Variants in DIP2A observed in about 807,000 individuals in gnomAD.
DIP2A encodes the protein disco-interacting protein 2 homolog A.
In DIP2A, 85 loss-of-function variants were observed where a neutral mutation model predicts 177.4. The observed-to-expected ratio is 0.48, with a 90% CI of 0.40 to 0.57. The LOEUF (loss-of-function observed/expected upper bound fraction) is 0.57. Among genes scored for constraint, DIP2A ranks in the 20% least tolerant of loss-of-function variants. The pLI, the probability that DIP2A is intolerant of heterozygous loss-of-function variation, is 0.00. For missense variants in DIP2A, 1,791 were observed against 2,100.2 expected, an observed-to-expected ratio of 0.85 and a Z score of 2.88; for synonymous variants, 886 against 881.8, an observed-to-expected ratio of 1.00 and a Z score of -0.08.
Position 46,509,130 on chromosome 21 carries a change from TG to T in DIP2A, c.785-123del, listed in dbSNP as rs2058179493. 5 of 1,029,366 alleles carry T rather than the reference TG, an allele frequency of 4.9e-6. No individual in the cohort carries two copies. In the South Asian group the frequency reaches 1.5e-4, roughly 32 times the overall value. 63.8% of individuals were successfully genotyped at this position (1,029,366 alleles called of 1,614,324 possible). Reference sequence around the variant, plus strand: ...AATTGATTCCAAAATGACTGTCCAGTGGGGCCCACACTTGGATGGATTTGTA... The same window carrying T: ...AATTGATTCCAAAATGACTGTCCAGTGGGCCCACACTTGGATGGATTTGTA... On this transcript the variant is annotated intron_variant, in intron 6 of 37. Coordinates refer to ENST00000417564, the MANE Select transcript of DIP2A (RefSeq NM_015151.4).
chr21:46,567,358 T>C lies in DIP2A; in HGVS notation c.4464-12T>C, dbSNP rs766977004. 6.2e-7 allele frequency: 1 copy of C among 1,608,916 alleles called. No individual in the cohort carries two copies. The highest frequency in any genetic ancestry group is 8.5e-7 in the Non-Finnish European group (1 of 1,176,710). ...CTGTATCCATGTGACCCAGTCTGTC[T>C]TCTCTCTGCAGTGCCGTATTCACCT... On this transcript the variant is annotated splice_polypyrimidine_tract_variant and intron_variant, in intron 37 of 37. Coordinates refer to ENST00000417564, the MANE Select transcript of DIP2A (RefSeq NM_015151.4).
rs377702083 is a variant in DIP2A at position 46,502,694 on chromosome 21, C to T, written c.656-1667C>T. Among the ~76,000 whole-genome samples the T allele has an allele frequency of 4.6e-5, 7 of 152,148 alleles. No homozygotes were observed. In the East Asian group the frequency reaches 1.4e-3, roughly 29 times the overall value. On this transcript the variant is annotated intron_variant, in intron 5 of 37. Coordinates refer to ENST00000417564, the MANE Select transcript of DIP2A (RefSeq NM_015151.4). ...AACTCCTGACCTCAGCTGATCTGCC[C>T]GCCTTGACCTTCCAAATTGCTGGGA... is the stretch of plus-strand genomic sequence containing the variant.
intron 20 of DIP2A, 169 bp downstream of exon 20, chr21:46,546,130 A>G: frequency 6.8e-7 from 1 of 1,462,664 alleles, no homozygotes; most frequent in Non-Finnish European, 9.1e-7. Context: ...GTGCAGGGCC[A>G]TCCACACCTC....
intron 13 of DIP2A, 46 bp downstream of exon 13, chr21:46,534,733 A>G: frequency 2.0e-6 from 3 of 1,517,424 alleles, no homozygotes; most frequent in Non-Finnish European, 2.7e-6. Flanking sequence ...AGCCTCACAC[A>G]GATACCTGAC....
Position 46,557,833 on chromosome 21 carries a change from ACTCCCAAGGCCC to A in DIP2A, c.3798+86_3798+97del. On this transcript the variant is annotated intron_variant, in intron 31 of 37. Coordinates refer to ENST00000417564, the MANE Select transcript of DIP2A (RefSeq NM_015151.4). The surrounding 1 kb of genome is among the most constrained non-coding windows in gnomAD (Gnocchi z 6.0). ...TTTAAAAACAACAAAACAAAACAAG[ACTCCCAAGGCCC>A]CTCCCTGCAGTTGGAGGAAGTAGAG... is the stretch of plus-strand genomic sequence containing the variant. 1 of 1,488,686 alleles carries A rather than the reference ACTCCCAAGGCCC, an allele frequency of 6.7e-7. No homozygotes were observed. The allele number at this position is 1,488,686 out of a possible 1,614,324, so 92.2% of individuals were successfully genotyped here.
intron 25 of DIP2A, chr21:46,552,981 A>G (rs973748056): frequency 3.3e-5 from 5 of 152,442 alleles, no homozygotes; most frequent in African/African-American, 1.2e-4. Context: ...AGCAGGGGCT[A>G]TGAAGAATGA....
chr21:46,479,636 T>C (rs1014886955), intron 1 of DIP2A, among the ~76,000 whole-genome samples: 2 of 152,156 alleles, frequency 1.3e-5, no homozygotes, highest in African/African-American at 4.8e-5. Flanking sequence ...AGCAATCTTC[T>C]CACCTCAGCC....
rs557906253 is a variant in DIP2A at position 46,549,846 on chromosome 21, G to A, written c.2598G>A (p.Ser866=). The change falls in exon 22 of 38, where the codon TCG becomes TCA. Residue 866 remains serine, a synonymous_variant. Transcript: ENST00000417564. ...VLVAEQRPDA[S]EEDSFQWMSR... ...TGGCTGAGCAGCGGCCGGATGCCTC[G>A]GAGGAGGACAGCTTCCAGTGGATGA... The A allele has an allele frequency of 5.0e-6, 8 of 1,612,952 alleles. No homozygotes were observed. Among genetic ancestry groups the A allele is most frequent in the East Asian group, 2.2e-5 (1 of 44,886 alleles).
chr21:46,511,900 C>T (rs1242972889), intron 8 of DIP2A, among the ~76,000 whole-genome samples: 1 of 152,136 alleles, frequency 6.6e-6, no homozygotes, highest in Non-Finnish European at 1.5e-5. Context: ...TAAGGGGAAT[C>T]AGGCAGTATG....
chr21:46,508,845 AC>A (rs2058158413), intron 6 of DIP2A, among the ~76,000 whole-genome samples: 1 of 150,988 alleles, frequency 6.6e-6, no homozygotes. Flanking sequence ...ACATGGTGAA[AC>A]CCCATCTCTA....
chr21:46,485,236 T>TTG (rs3060302), intron 2 of DIP2A, among the ~76,000 whole-genome samples: 290 of 149,266 alleles, frequency 1.9e-3, no homozygotes, highest in South Asian at 8.7e-3. Flanking sequence ...TCAATAGGTT[T>TTG]TGTGTGTGTG....
intron 1 of DIP2A, among the ~76,000 whole-genome samples, chr21:46,465,131 C>T (rs190770224): frequency 4.1e-4 from 62 of 152,280 alleles, no homozygotes; most frequent in Non-Finnish European, 4.9e-4. Context: ...TTGATCATCT[C>T]TAATGTGACT....
chr21:46,467,806 A>G (rs2054972569), intron 1 of DIP2A, among the ~76,000 whole-genome samples: 1 of 151,670 alleles, frequency 6.6e-6, no homozygotes, highest in Non-Finnish European at 1.5e-5. Context: ...TTTGATTTCT[A>G]AGTTTCTTTA....
intron 1 of DIP2A, among the ~76,000 whole-genome samples, chr21:46,482,136 C>T (rs928433031): frequency 3.3e-5 from 5 of 152,060 alleles, no homozygotes; most frequent in East Asian, 1.9e-4. Flanking sequence ...CTAACAAGAC[C>T]GACAGTGAGA....
In DIP2A at chr21:46,497,002, G is replaced by T; in HGVS notation, c.298G>T (p.Ala100Ser). The T allele has an allele frequency of 6.2e-7, 1 of 1,602,814 alleles. No individual in the cohort carries two copies. Among genetic ancestry groups the T allele is most frequent in the Non-Finnish European group, 8.5e-7 (1 of 1,175,000 alleles). The change falls in exon 4 of 38, where the codon GCC (alanine) becomes TCC (serine). Residue 100 changes from alanine to serine, a missense_variant. Ala to Ser is a moderately conservative substitution (Grantham distance 99). Transcript: ENST00000417564. ...ERFRSDVHTE[A>S]VQAALAKYKE... ...TTCCTGTGTAGATGTCCACACTGAA[G>T]CCGTGCAAGCAGCTTTGGCCAAATA... is the stretch of plus-strand genomic sequence containing the variant.
chr21:46,488,214 T>C (rs1436538287), intron 2 of DIP2A, among the ~76,000 whole-genome samples: 4 of 152,110 alleles, frequency 2.6e-5, no homozygotes, highest in Middle Eastern at 3.2e-3. Context: ...AGAACCCTCT[T>C]CCTCCTCCCC....
the DIP2A span, among the ~76,000 whole-genome samples, chr21:46,577,982 G>A: frequency 6.6e-6 from 1 of 152,174 alleles, no homozygotes; most frequent in Admixed American, 6.5e-5. Context: ...CATTGATTTT[G>A]TATCCTGAGA....
chr21:46,531,271 C>T (rs1390430014), intron 9 of DIP2A, among the ~76,000 whole-genome samples: 1 of 152,028 alleles, frequency 6.6e-6, no homozygotes, highest in Admixed American at 6.6e-5. Context: ...TCACGGCTCT[C>T]CTGAGTGGGT....
chr21:46,578,997 C>T, the DIP2A span, among the ~76,000 whole-genome samples: 19 of 152,078 alleles, frequency 1.2e-4, no homozygotes, highest in Non-Finnish European at 1.9e-4. Context: ...GGATTCCCTC[C>T]TTTTCTATTG....
Sources: gnomAD v4.1 joint callset for allele counts (sites outside exome capture counted in the v4.1 genomes callset) on GRCh38, gnomAD v4.1.1 for gene constraint, Gnocchi (gnomAD v3.1) non-coding constraint, MANE v1.5 for transcripts, NCBI Gene and HGNC (gene_info 2026-07-23, HGNC 2026-07-21) for gene names.